CFAP20DC: variants seen among roughly 807,000 people sequenced by gnomAD.
The protein encoded by CFAP20DC is CFAP20 domain containing.
Under a neutral mutation model 101.7 loss-of-function variants are expected in CFAP20DC, and 84 were observed. That is an observed-to-expected ratio of 0.83 (90% CI 0.69 to 0.99). The LOEUF is 0.99. CFAP20DC is among the 50% of genes least tolerant of loss of function. The pLI is 0.00. For synonymous variants in CFAP20DC, 359 were observed against 351.2 expected (o/e 1.02, Z -0.25); for missense variants, 1,007 against 970.3 (o/e 1.04, Z -0.50).
At position 58,964,659 on chromosome 3, in the gene CFAP20DC, C is replaced by G. The variant is rs923235807; in HGVS notation, c.279-26897G>C. Among the ~76,000 whole-genome samples, 2 of 152,156 alleles carry G rather than the reference C, an allele frequency of 1.3e-5. No individual in the cohort carries two copies. The highest frequency in any genetic ancestry group is 6.5e-5 in the Admixed American group (1 of 15,272). ...TACCACTTACTAATAATAATTTGAA[C>G]TACTTATTTACATATTTTTGGTTTT... On this transcript the variant is annotated intron_variant, in intron 4 of 16. Coordinates refer to ENST00000482387, the MANE Select transcript of CFAP20DC (RefSeq NM_001394063.1). The surrounding 1 kb of genome is among the most constrained non-coding windows in gnomAD (Gnocchi z 4.1).
chr3:58,907,410 A>G (rs2083711769), intron 6 of CFAP20DC, among the ~76,000 whole-genome samples: 2 of 152,194 alleles, frequency 1.3e-5, no homozygotes, highest in African/African-American at 4.8e-5. Context: ...GTTTCTTGCC[A>G]GACCCTGAGC....
At chr3:58,936,191 C>T in intron 5 of CFAP20DC, among the ~76,000 whole-genome samples, 1 of 152,096 alleles carries the variant, frequency 6.6e-6, no homozygotes, top group Non-Finnish European at 1.5e-5. Context: ...CATCACTGGC[C>T]ATCAGAGAAA....
chr3:58,718,125 C>A (rs2067422125), intron 3 of CFAP20DC, among the ~76,000 whole-genome samples: 1 of 152,186 alleles, frequency 6.6e-6, no homozygotes, highest in Admixed American at 6.5e-5. Context: ...ACAAAACAGC[C>A]AGGTTCCTTG....
At chr3:58,931,809 C>A (rs962163629) in intron 5 of CFAP20DC, among the ~76,000 whole-genome samples, 1 of 152,154 alleles carries the variant, frequency 6.6e-6, no homozygotes, top group Non-Finnish European at 1.5e-5. Context: ...GTAGATAAAA[C>A]CACAAAGATG....
At chr3:58,746,403 G>C (rs115808551) in intron 16 of CFAP20DC, among the ~76,000 whole-genome samples, 103 of 152,248 alleles carry the variant, frequency 6.8e-4, no homozygotes, top group African/African-American at 2.3e-3. Context: ...AGTGTATTCT[G>C]TGCCTATGTT....
intron 16 of CFAP20DC, among the ~76,000 whole-genome samples, chr3:58,748,390 A>G (rs1646430598): frequency 6.6e-6 from 1 of 152,088 alleles, no homozygotes; most frequent in African/African-American, 2.4e-5. Context: ...TGGTTCTGGA[A>G]TAGGAGAAAG....
At chr3:58,927,676 T>C (rs1400636792) in intron 5 of CFAP20DC, among the ~76,000 whole-genome samples, 1 of 152,190 alleles carries the variant, frequency 6.6e-6, no homozygotes, top group African/African-American at 2.4e-5. Flanking sequence ...GCCAACAAAA[T>C]ATTCTACTAG....
rs1002567081 is a variant in CFAP20DC at position 58,731,255 on chromosome 3, A to G, written c.198-13627T>C. 3.3e-5 allele frequency among the ~76,000 whole-genome samples: 5 copies of G among 152,244 alleles called. No individual in the cohort carries two copies. In the East Asian group the frequency reaches 9.6e-4, roughly 29 times the overall value. On this transcript the variant is annotated intron_variant, in intron 3 of 3. Coordinates refer to the CFAP20DC transcript ENST00000486145. ...GCTGACTCCCAAGATTCCAGAAAACAGTTTGTTCTTTTTATTAGTTGTGAA... is the reference window on the plus strand; with the variant it reads ...GCTGACTCCCAAGATTCCAGAAAACGGTTTGTTCTTTTTATTAGTTGTGAA...
At chr3:58,871,310 C>T (rs1453943290) in intron 7 of CFAP20DC, among the ~76,000 whole-genome samples, 2 of 152,034 alleles carry the variant, frequency 1.3e-5, no homozygotes, top group African/African-American at 4.8e-5. Context: ...TAGGGTCATA[C>T]TGAAAAGAGC....
chr3:58,942,590 A>G (rs1398117567), intron 4 of CFAP20DC, among the ~76,000 whole-genome samples: 1 of 152,182 alleles, frequency 6.6e-6, no homozygotes, highest in African/African-American at 2.4e-5. Flanking sequence ...AAACCAGGAA[A>G]TTCCCTCAGG....
chr3:58,802,599 A>C (rs1334999297), intron 15 of CFAP20DC, among the ~76,000 whole-genome samples: 1 of 152,210 alleles, frequency 6.6e-6, no homozygotes, highest in African/African-American at 2.4e-5. Flanking sequence ...AAATCTAGAC[A>C]CGCAAGGGAA....
At chr3:58,759,141 T>C (rs1297819282) in intron 15 of CFAP20DC, among the ~76,000 whole-genome samples, 1 of 152,122 alleles carries the variant, frequency 6.6e-6, no homozygotes, top group Non-Finnish European at 1.5e-5. Context: ...TGAACTAGTT[T>C]ACAGTCCCAC....
intron 14 of CFAP20DC, among the ~76,000 whole-genome samples, chr3:58,820,226 C>T (rs2075528429): frequency 6.7e-6 from 1 of 149,940 alleles, no homozygotes; most frequent in Admixed American, 6.6e-5. Flanking sequence ...CCTTTGAAAA[C>T]TGGCACAAGA....
chr3:58,861,910 T>C lies in CFAP20DC; in HGVS notation c.1593+1648A>G. ...TCAATTTTATGTAGTTGGTAACAAA[T>C]ACACATCTGCATAATAAACGTTGAA... On this transcript the variant is annotated intron_variant, in intron 12 of 16. Transcript: ENST00000482387. The surrounding 1 kb of genome is among the most constrained non-coding windows in gnomAD (Gnocchi z 4.0). 1 of 985,418 alleles carries C rather than the reference T, an allele frequency of 1.0e-6. No homozygotes were observed. The highest frequency in any genetic ancestry group is 1.7e-5 in the African/African-American group (1 of 57,370). The allele number at this position is 985,418 out of a possible 1,614,324, so 61.0% of individuals were successfully genotyped here. A position where few individuals can be genotyped will look rare whatever the true frequency, so the allele number is the denominator to read the frequency against.
rs1010110636 is a variant in CFAP20DC at position 58,882,256 on chromosome 3, A to G, written c.715+2289T>C. Reference sequence around the variant, plus strand: ...TATCCTCTTTTATGAGTTGGGTTCAAATATGGCCCATGAAAAAGTTTGTGT... The same window carrying G: ...TATCCTCTTTTATGAGTTGGGTTCAGATATGGCCCATGAAAAAGTTTGTGT... On this transcript the variant is annotated intron_variant, in intron 7 of 16. Coordinates refer to ENST00000482387, the MANE Select transcript of CFAP20DC (RefSeq NM_001394063.1). The surrounding 1 kb of genome is among the most constrained non-coding windows in gnomAD (Gnocchi z 4.2). Among the ~76,000 whole-genome samples, 1 of 152,220 alleles carries G rather than the reference A, an allele frequency of 6.6e-6. No homozygotes were observed. Among genetic ancestry groups the G allele is most frequent in the East Asian group, 1.9e-4 (1 of 5,186 alleles).
At chr3:58,718,646 T>C (rs769525498) in intron 3 of CFAP20DC, among the ~76,000 whole-genome samples, 23 of 152,218 alleles carry the variant, frequency 1.5e-4, no homozygotes, top group Non-Finnish European at 2.9e-4. Flanking sequence ...GAGGGAAGCC[T>C]CACCTCAGCC....
At position 58,971,216 on chromosome 3, in the gene CFAP20DC, T is replaced by C. The variant is rs1429264270; in HGVS notation, c.279-33454A>G. 2.0e-5 allele frequency among the ~76,000 whole-genome samples: 3 copies of C among 152,168 alleles called. No individual in the cohort carries two copies. The highest frequency in any genetic ancestry group is 4.4e-5 in the Non-Finnish European group (3 of 68,030). On this transcript the variant is annotated intron_variant, in intron 4 of 16. Coordinates refer to ENST00000482387, the MANE Select transcript of CFAP20DC (RefSeq NM_001394063.1). The surrounding 1 kb of genome is among the most constrained non-coding windows in gnomAD (Gnocchi z 4.1). ...CTGAAGCTTACCATAAAGAAGATAT[T>C]TGGCACTGAAAGTACGTTTTTCACA...
In CFAP20DC at chr3:58,912,720, T is replaced by C. The variant is rs758364673; in HGVS notation, c.550+988A>G. The C allele has an allele frequency of 4.4e-6, 2 of 456,478 alleles. No homozygotes were observed. Among genetic ancestry groups the C allele is most frequent in the Non-Finnish European group, 8.8e-6 (2 of 226,868 alleles). The allele number at this position is 456,478 out of a possible 1,614,324, so 28.3% of individuals were successfully genotyped here. On this transcript the variant is annotated intron_variant, in intron 6 of 16. Transcript: ENST00000482387. This position sits in a 1 kb window ranked among gnomAD's most constrained non-coding sequence, Gnocchi z 4.4. ...CTGAGCAGTATGGTGTGCTACCTTA[T>C]GAATTCCAGGGAGCTGAGTTACCTG... is the stretch of plus-strand genomic sequence containing the variant.
Position 59,044,815 on chromosome 3 carries a change from T to C in CFAP20DC, c.205+1414A>G, listed in dbSNP as rs149805946. Among the ~76,000 whole-genome samples, 24 of 152,202 alleles carry C rather than the reference T, an allele frequency of 1.6e-4. No individual in the cohort carries two copies. In the East Asian group the frequency reaches 4.6e-3, roughly 29 times the overall value. On this transcript the variant is annotated intron_variant, in intron 3 of 16. Coordinates refer to ENST00000482387, the MANE Select transcript of CFAP20DC (RefSeq NM_001394063.1). The stretch of plus-strand genomic sequence containing the variant: ...CTGGCTTAGAACAAAGTCATATTCC[T>C]GAAAGTCAAATGTATCTACATGTCT...
Sources: allele counts gnomAD v4.1 joint callset (sites outside exome capture counted in the v4.1 genomes callset), GRCh38; gene constraint gnomAD v4.1.1; non-coding constraint Gnocchi (gnomAD v3.1); transcripts MANE v1.5; gene names NCBI Gene and HGNC (gene_info 2026-07-23, HGNC 2026-07-21).